The following NDUFA10 variants were observed in gnomAD, a reference collection of about 807,000 sequenced individuals.
NDUFA10 encodes NADH dehydrogenase [ubiquinone] 1 alpha subcomplex subunit 10, mitochondrial.
A neutral mutation model predicts 47.8 loss-of-function variants in NDUFA10; 40 were observed. The observed-to-expected ratio is 0.84, with a 90% CI of 0.65 to 1.09. NDUFA10 has a LOEUF of 1.09. Ranked by LOEUF, NDUFA10 falls within the 50% of genes least tolerant of loss-of-function variation. NDUFA10 has a pLI of 0.00. For synonymous variants in NDUFA10, 183 were observed against 172.2 expected, an observed-to-expected ratio of 1.06 and a Z score of -0.49; for missense variants, 413 against 451.1, an observed-to-expected ratio of 0.92 and a Z score of 0.76.
intron 4 of NDUFA10, among the ~76,000 whole-genome samples, chr2:239,911,759 A>G (rs114008040): frequency 0.02 from 2,852 of 140,440 alleles, 91 homozygotes; most frequent in African/African-American, 0.073. Flanking sequence ...CCCATCCCCC[A>G]GTCTCTCTCT....
intron 6 of NDUFA10, among the ~76,000 whole-genome samples, chr2:240,008,124 C>T (rs1401105203): frequency 2.6e-5 from 4 of 152,112 alleles, no homozygotes; most frequent in Non-Finnish European, 4.4e-5. Flanking sequence ...TTTATTAAGT[C>T]TCATCATTAC....
Position 239,958,932 on chromosome 2 carries a change from G to A in NDUFA10, c.*2186C>T, listed in dbSNP as rs187345323. The A allele has an allele frequency of 2.5e-4, 248 of 985,250 alleles. No homozygotes were observed. The African/African-American group carries it at 3.9e-3, about 15-fold the overall frequency. The allele number at this position is 985,250 out of a possible 1,614,324, so 61.0% of individuals were successfully genotyped here. A position where few individuals can be genotyped will look rare whatever the true frequency, so the allele number is the denominator to read the frequency against. On this transcript the variant is annotated 3_prime_UTR_variant, in exon 10 of 10. Coordinates refer to ENST00000252711, the MANE Select transcript of NDUFA10 (RefSeq NM_004544.4). ...AAAATGCACGATTATTTTGATCCTG[G>A]TTTGTTGGTGCTGTTGTTTTAGTTG...
chr2:239,907,850 G>T (rs1407877982), intron 4 of NDUFA10, among the ~76,000 whole-genome samples: 1 of 152,110 alleles, frequency 6.6e-6, no homozygotes, highest in Non-Finnish European at 1.5e-5. Flanking sequence ...AATTCCTCAA[G>T]GATCTAGAAC....
At chr2:239,976,229 T>C (rs574202855) in intron 9 of NDUFA10, among the ~76,000 whole-genome samples, 7 of 152,296 alleles carry the variant, frequency 4.6e-5, no homozygotes, top group African/African-American at 1.7e-4. Context: ...CTCGGGTTAA[T>C]CTCATGCCTG....
intron 4 of NDUFA10, among the ~76,000 whole-genome samples, chr2:239,916,803 A>T (rs904206368): frequency 6.6e-5 from 10 of 152,166 alleles, no homozygotes; most frequent in African/African-American, 2.4e-4. Flanking sequence ...TGATTCCCTC[A>T]GGAGGAGCAG....
intron 4 of NDUFA10, among the ~76,000 whole-genome samples, chr2:239,898,141 A>C (rs1225914885): frequency 6.6e-6 from 1 of 152,222 alleles, no homozygotes; most frequent in Non-Finnish European, 1.5e-5. Context: ...CCCAGCTCAC[A>C]AATGGAGTCA....
chr2:239,917,593 A>G (rs1693899069), intron 4 of NDUFA10, among the ~76,000 whole-genome samples: 1 of 152,244 alleles, frequency 6.6e-6, no homozygotes, highest in Non-Finnish European at 1.5e-5. Context: ...TCTGGGTTGC[A>G]TAGCAACAGT....
intron 4 of NDUFA10, among the ~76,000 whole-genome samples, chr2:239,941,187 T>G (rs1222321046): frequency 6.6e-6 from 1 of 152,116 alleles, no homozygotes; most frequent in Non-Finnish European, 1.5e-5. Flanking sequence ...CCATAACCAT[T>G]TACGTTCCTT....
intron 4 of NDUFA10, among the ~76,000 whole-genome samples, chr2:239,935,087 C>T (rs112881764): frequency 3.3e-5 from 5 of 152,286 alleles, no homozygotes; most frequent in African/African-American, 1.2e-4. Context: ...GCCTCTGGTC[C>T]GAAATAGCAC....
chr2:240,010,128 T>C (rs564549207), intron 6 of NDUFA10, among the ~76,000 whole-genome samples: 1 of 152,358 alleles, frequency 6.6e-6, no homozygotes, highest in African/African-American at 2.4e-5. Flanking sequence ...GCATACTGCA[T>C]AGAGTACATC....
intron 9 of NDUFA10, among the ~76,000 whole-genome samples, chr2:239,972,774 T>C (rs1258531184): frequency 6.6e-6 from 1 of 152,248 alleles, no homozygotes; most frequent in Non-Finnish European, 1.5e-5. Flanking sequence ...TCAAATGTCT[T>C]AATCCTCCTT....
At chr2:239,939,364 G>A (rs79230834) in intron 4 of NDUFA10, among the ~76,000 whole-genome samples, 9,664 of 150,790 alleles carry the variant, frequency 0.064, 379 homozygotes, top group East Asian at 0.1. Context: ...AACTCGCGGA[G>A]AGAGAGGGGT....
chr2:239,915,524 CAGAT>C (rs1251056747), intron 4 of NDUFA10, among the ~76,000 whole-genome samples: 4 of 136,562 alleles, frequency 2.9e-5, no homozygotes, highest in Admixed American at 7.2e-5. Context: ...CACACACAGA[CAGAT>C]ACACAAACAT....
rs1472656633 is a variant in NDUFA10 at position 239,987,314 on chromosome 2, G to A, written c.999+2760C>T. On this transcript the variant is annotated intron_variant, in intron 9 of 9. Coordinates refer to ENST00000252711, the MANE Select transcript of NDUFA10 (RefSeq NM_004544.4). This position sits in a 1 kb window ranked among gnomAD's most constrained non-coding sequence, Gnocchi z 4.8. ...CATTCAAGCCACGATTCTCAAACCA[G>A]GCGCTGTGCATCGACAGGAGGACTC... is the stretch of plus-strand genomic sequence containing the variant. Among the ~76,000 whole-genome samples the A allele has an allele frequency of 6.6e-6, 1 of 151,956 alleles. No individual in the cohort carries two copies. Among genetic ancestry groups the A allele is most frequent in the Non-Finnish European group, 1.5e-5 (1 of 67,984 alleles).
intron 2 of NDUFA10, 73 bp from the exon 3 acceptor site, chr2:240,021,485 C>A: frequency 7.4e-7 from 1 of 1,349,622 alleles, no homozygotes; most frequent in Non-Finnish European, 1.0e-6. Flanking sequence ...GGGGACTAGC[C>A]AAAACACACA....
chr2:239,935,339 T>C (rs1279297387), intron 4 of NDUFA10, among the ~76,000 whole-genome samples: 1 of 152,210 alleles, frequency 6.6e-6, no homozygotes, highest in African/African-American at 2.4e-5. Flanking sequence ...ACTTTTGTAA[T>C]GTGGATGGTG....
intron 9 of NDUFA10, among the ~76,000 whole-genome samples, chr2:239,985,595 A>G (rs780419858): frequency 1.8e-4 from 27 of 152,284 alleles, no homozygotes; most frequent in Non-Finnish European, 3.4e-4. Flanking sequence ...AAAATATGGC[A>G]AGAGTAATAC....
At chr2:239,946,217 G>A (rs1396428674) in intron 4 of NDUFA10, among the ~76,000 whole-genome samples, 9 of 152,120 alleles carry the variant, frequency 5.9e-5, no homozygotes. Flanking sequence ...CTCCTAGGTG[G>A]CACCTGGCCA....
At chr2:239,894,614 G>A (rs983748103) in intron 5 of NDUFA10, among the ~76,000 whole-genome samples, 2 of 151,998 alleles carry the variant, frequency 1.3e-5, no homozygotes, top group African/African-American at 4.8e-5. Context: ...GGCTCCTCTT[G>A]TTCTCTGCCT....
Sources: allele counts gnomAD v4.1 joint callset (sites outside exome capture counted in the v4.1 genomes callset), GRCh38; gene constraint gnomAD v4.1.1; non-coding constraint Gnocchi (gnomAD v3.1); transcripts MANE v1.5; gene names NCBI Gene and HGNC (gene_info 2026-07-23, HGNC 2026-07-21).